LEKR1: variants seen among roughly 807,000 people sequenced by gnomAD.
LEKR1 encodes leucine, glutamate and lysine rich 1.
A neutral mutation model predicts 72.4 loss-of-function variants in LEKR1; 59 were observed. That is an observed-to-expected ratio of 0.82 (90% confidence interval 0.66 to 1.01). The LOEUF is 1.01. Among genes scored for constraint, LEKR1 ranks in the 50% least tolerant of loss-of-function variants. The pLI is 0.00. For missense variants in LEKR1, 728 were observed against 759.2 expected (o/e 0.96, Z 0.48); for synonymous variants, 257 against 263.2 (o/e 0.98, Z 0.23).
intron 6 of LEKR1, among the ~76,000 whole-genome samples, chr3:156,978,441 C>T (rs1729893585): frequency 6.6e-6 from 1 of 152,144 alleles, no homozygotes; most frequent in South Asian, 2.1e-4. Context: ...TCCATTATAA[C>T]TTATTCTCAA....
intron 3 of LEKR1, among the ~76,000 whole-genome samples, chr3:156,870,613 A>G (rs1717813404): frequency 6.6e-6 from 1 of 152,048 alleles, no homozygotes; most frequent in Non-Finnish European, 1.5e-5. Flanking sequence ...CTAGATATTT[A>G]TATCATCAGC....
intron 6 of LEKR1, among the ~76,000 whole-genome samples, chr3:156,949,093 T>C (rs1253091656): frequency 1.3e-5 from 2 of 151,612 alleles, no homozygotes; most frequent in Non-Finnish European, 3.0e-5. Flanking sequence ...GCAAATTTTG[T>C]CTCCCATTCT....
Position 157,024,827 on chromosome 3 carries a change from T to C in LEKR1, c.1271T>C (p.Phe424Ser). 6.2e-7 allele frequency: 1 copy of C among 1,612,554 alleles called. No individual in the cohort carries two copies. The highest frequency in any genetic ancestry group is 1.1e-5 in the South Asian group (1 of 90,840). The stretch of plus-strand genomic sequence containing the variant: ...GAATTTGAAGAGCAAGCTCTTCTCT[T>C]TAAGGAAGAAACAAAATTGCAACTT... ...LVEFEEQALL[F>S]KEETKLQLDI... is the part of the protein sequence containing the mutation. Residue 424 changes from phenylalanine (F) to serine (S), a missense_variant, in exon 11 of 13, where the codon TTT (phenylalanine) becomes TCT (serine). Phe to Ser is a radical substitution (Grantham distance 155). Transcript: ENST00000356539.
chr3:157,008,770 A>G (rs1732663018), intron 9 of LEKR1, among the ~76,000 whole-genome samples: 1 of 152,246 alleles, frequency 6.6e-6, no homozygotes, highest in Admixed American at 6.5e-5. Context: ...CTTCACATAA[A>G]TAAAATCATT....
At chr3:156,982,536 C>A (rs889334452) in intron 7 of LEKR1, among the ~76,000 whole-genome samples, 2 of 152,130 alleles carry the variant, frequency 1.3e-5, no homozygotes, top group African/African-American at 2.4e-5. Context: ...TTACCTTAGA[C>A]CAAGCAAGAT....
At chr3:156,970,869 G>A (rs1729110296) in intron 6 of LEKR1, among the ~76,000 whole-genome samples, 2 of 152,016 alleles carry the variant, frequency 1.3e-5, no homozygotes, top group South Asian at 4.2e-4. Context: ...AACATTCCAT[G>A]CTCATGGGTA....
intron 6 of LEKR1, among the ~76,000 whole-genome samples, chr3:156,953,457 G>A (rs1339099781): frequency 6.6e-6 from 1 of 151,570 alleles, no homozygotes; most frequent in Non-Finnish European, 1.5e-5. Context: ...TATCACCTAG[G>A]TATTAAGCCC....
intron 12 of LEKR1, among the ~76,000 whole-genome samples, chr3:157,042,347 C>A (rs925713615): frequency 2.6e-5 from 4 of 152,194 alleles, no homozygotes; most frequent in African/African-American, 9.7e-5. Context: ...GTCAGCAGCT[C>A]TTCCCCCACC....
chr3:157,043,363 T>C (rs1338459886), intron 12 of LEKR1, among the ~76,000 whole-genome samples: 1 of 152,066 alleles, frequency 6.6e-6, no homozygotes. Context: ...AAAAATATAA[T>C]GGATTGGGTC....
chr3:156,853,026 C>T, intron 3 of LEKR1, 44 bp downstream of exon 3: 1 of 1,265,544 alleles, frequency 7.9e-7, no homozygotes, highest in South Asian at 1.3e-5. Context: ...AGTTGAAAGA[C>T]AGCTACAGGA....
At chr3:157,024,950 A>T (rs760014253) in intron 11 of LEKR1, 26 bp downstream of exon 11, 5 of 1,474,088 alleles carry the variant, frequency 3.4e-6, no homozygotes, top group East Asian at 4.5e-5. Context: ...GTTCATCATT[A>T]TTTAATAGAT....
chr3:156,982,290 A>G (rs1730266221), intron 7 of LEKR1, among the ~76,000 whole-genome samples: 1 of 152,114 alleles, frequency 6.6e-6, no homozygotes, highest in African/African-American at 2.4e-5. Flanking sequence ...CTTCAACCCA[A>G]AGCTAAGTCA....
intron 12 of LEKR1, among the ~76,000 whole-genome samples, chr3:157,029,325 T>C (rs1734432979): frequency 1.3e-5 from 2 of 152,084 alleles, no homozygotes; most frequent in East Asian, 1.9e-4. Flanking sequence ...ATGGAGTAGA[T>C]AGAATACTAG....
chr3:157,033,567 G>T (rs1734767236), intron 12 of LEKR1, among the ~76,000 whole-genome samples: 1 of 152,166 alleles, frequency 6.6e-6, no homozygotes, highest in Admixed American at 6.5e-5. Flanking sequence ...AAGAAAAATT[G>T]GAAGCTAGCA....
intron 1 of LEKR1, among the ~76,000 whole-genome samples, chr3:156,828,175 T>C (rs371000191): frequency 2.0e-5 from 3 of 152,380 alleles, no homozygotes; most frequent in East Asian, 1.9e-4. Flanking sequence ...AGCAACTCAC[T>C]GAAATGAGTC....
intron 3 of LEKR1, among the ~76,000 whole-genome samples, chr3:156,884,550 C>T (rs1271071642): frequency 6.6e-6 from 1 of 152,084 alleles, no homozygotes; most frequent in African/African-American, 2.4e-5. Flanking sequence ...CCTTGTTTTC[C>T]TGACACAAAG....
At chr3:156,973,818 A>C (rs1031760043) in intron 6 of LEKR1, among the ~76,000 whole-genome samples, 2 of 152,158 alleles carry the variant, frequency 1.3e-5, no homozygotes, top group African/African-American at 4.8e-5. Context: ...TAAACCAGAG[A>C]CACTACTTTG....
chr3:157,043,665 T>A (rs1353953917), intron 12 of LEKR1, among the ~76,000 whole-genome samples: 1 of 152,190 alleles, frequency 6.6e-6, no homozygotes, highest in Admixed American at 6.5e-5. Context: ...GAGCAGGAAA[T>A]AAGATGACAC....
chr3:157,045,396 AGAGGCTTT>A lies in LEKR1; in HGVS notation c.1729_1736del (p.Ala577SerfsTer11), dbSNP rs1735677102. On this transcript the variant is annotated frameshift_variant, in exon 13 of 13. Coordinates refer to ENST00000356539, the MANE Select transcript of LEKR1 (RefSeq NM_001004316.3). LOFTEE classifies it low-confidence loss of function (END_TRUNC). ...AATGTGAAGAACGCTTTGAACTGAC[AGAGGCTTT>A]GAGTCAAGCCAGAGAACAGCTCCTG... 1 of 1,613,988 alleles carries A rather than the reference AGAGGCTTT, an allele frequency of 6.2e-7. No homozygotes were observed. Among genetic ancestry groups the A allele is most frequent in the Non-Finnish European group, 8.5e-7 (1 of 1,179,952 alleles).
Sources: gnomAD v4.1 joint callset for allele counts (sites outside exome capture counted in the v4.1 genomes callset) on GRCh38, gnomAD v4.1.1 for gene constraint, MANE v1.5 for transcripts, NCBI Gene and HGNC (gene_info 2026-07-23, HGNC 2026-07-21) for gene names.